Variants in CTNNA3 observed in about 807,000 individuals in gnomAD.
CTNNA3 encodes the protein catenin alpha 3.
A neutral mutation model predicts 95.7 loss-of-function variants in CTNNA3; 76 were observed. That is an observed-to-expected ratio of 0.79 (90% CI 0.66 to 0.96). The LOEUF is 0.96. Among genes scored for constraint, CTNNA3 ranks in the 40% least tolerant of loss-of-function variants. CTNNA3 has a pLI of 0.00. For synonymous variants in CTNNA3, 431 were observed against 374.4 expected (o/e 1.15, Z -1.74); for missense variants, 1,191 against 1,089.8 (o/e 1.09, Z -1.31).
intron 13 of CTNNA3, among the ~76,000 whole-genome samples, chr10:66,184,271 C>A (rs996735576): frequency 2.0e-5 from 3 of 152,070 alleles, no homozygotes; most frequent in Admixed American, 6.5e-5. Context: ...TGATCTCCAG[C>A]TTGGGTGGCA....
chr10:66,276,158 T>C (rs887203147), intron 13 of CTNNA3, among the ~76,000 whole-genome samples: 2 of 152,126 alleles, frequency 1.3e-5, no homozygotes, highest in Admixed American at 6.6e-5. Flanking sequence ...TTCCCTGATA[T>C]ATAGAGTTAG....
chr10:67,029,485 G>A (rs1175403749), intron 7 of CTNNA3, among the ~76,000 whole-genome samples: 1 of 152,056 alleles, frequency 6.6e-6, no homozygotes, highest in Non-Finnish European at 1.5e-5. Flanking sequence ...GATAACCGGT[G>A]GGTACTCATC....
At chr10:66,306,394 T>C (rs772825140) in intron 12 of CTNNA3, among the ~76,000 whole-genome samples, 3 of 152,224 alleles carry the variant, frequency 2.0e-5, no homozygotes, top group Non-Finnish European at 4.4e-5. Flanking sequence ...ATCTTAGTGT[T>C]ACTGCCAATA....
chr10:66,689,682 C>T lies in CTNNA3; in HGVS notation c.1282-67898G>A, dbSNP rs557448491. Reference sequence around the variant, plus strand: ...ATTAATAATATTGAATGTTGCCTCACTCCTTAATGAGGAGTCCAATAATCT... The same window carrying T: ...ATTAATAATATTGAATGTTGCCTCATTCCTTAATGAGGAGTCCAATAATCT... On this transcript the variant is annotated intron_variant, in intron 9 of 17. Transcript: ENST00000433211. Among the ~76,000 whole-genome samples, 12 of 152,260 alleles carry T rather than the reference C, an allele frequency of 7.9e-5. No homozygotes were observed. In the East Asian group the frequency reaches 9.7e-4, roughly 12 times the overall value.
At chr10:66,109,866 CAAA>C (rs201092050) in intron 13 of CTNNA3, among the ~76,000 whole-genome samples, 1 of 140,802 alleles carries the variant, frequency 7.1e-6, no homozygotes, top group African/African-American at 2.5e-5. Context: ...ACTTAAAGTA[CAAA>C]AAAAAAAAAC....
intron 5 of CTNNA3, among the ~76,000 whole-genome samples, chr10:67,512,612 G>A (rs187591013): frequency 4.6e-5 from 7 of 151,854 alleles, no homozygotes; most frequent in African/African-American, 9.7e-5. Flanking sequence ...GTGTATCCAC[G>A]ATAAAGTGGC....
intron 9 of CTNNA3, among the ~76,000 whole-genome samples, chr10:66,740,475 C>T (rs1471581425): frequency 6.6e-6 from 1 of 152,156 alleles, no homozygotes; most frequent in Non-Finnish European, 1.5e-5. Flanking sequence ...AATTATTTTT[C>T]TTTCATGCAT....
At chr10:66,064,620 C>T (rs1358215861) in intron 15 of CTNNA3, among the ~76,000 whole-genome samples, 2 of 152,076 alleles carry the variant, frequency 1.3e-5, no homozygotes, top group Non-Finnish European at 2.9e-5. Flanking sequence ...TCTCTGGTTC[C>T]CCTTTTAAAG....
At chr10:66,489,517 T>C (rs1839846286) in intron 11 of CTNNA3, among the ~76,000 whole-genome samples, 1 of 152,048 alleles carries the variant, frequency 6.6e-6, no homozygotes, top group Non-Finnish European at 1.5e-5. Context: ...TAGTCACTAT[T>C]TCTTCCTCTT....
intron 7 of CTNNA3, among the ~76,000 whole-genome samples, chr10:66,975,556 G>A (rs2132849351): frequency 6.6e-6 from 1 of 152,288 alleles, no homozygotes; most frequent in East Asian, 1.9e-4. Flanking sequence ...GAAGCGGTCT[G>A]TCTTTGACTT....
intron 17 of CTNNA3, among the ~76,000 whole-genome samples, chr10:65,921,330 T>C (rs191384303): frequency 3.3e-5 from 5 of 152,336 alleles, no homozygotes; most frequent in Non-Finnish European, 7.4e-5. Flanking sequence ...ACTAAATACC[T>C]ATAAATCCTT....
At chr10:67,179,910 T>C (rs1449197796) in intron 7 of CTNNA3, among the ~76,000 whole-genome samples, 1 of 152,168 alleles carries the variant, frequency 6.6e-6, no homozygotes, top group Non-Finnish European at 1.5e-5. Flanking sequence ...ATGATCCCTG[T>C]AATATCACTG....
At chr10:66,680,804 A>G (rs1031637376) in intron 9 of CTNNA3, among the ~76,000 whole-genome samples, 1 of 152,228 alleles carries the variant, frequency 6.6e-6, no homozygotes, top group Admixed American at 6.5e-5. Flanking sequence ...GAACAAAGCT[A>G]CCAAGGTAAG....
At chr10:67,498,603 A>G (rs1839114490) in intron 5 of CTNNA3, among the ~76,000 whole-genome samples, 1 of 152,088 alleles carries the variant, frequency 6.6e-6, no homozygotes, top group Non-Finnish European at 1.5e-5. Flanking sequence ...GTCCTCTCTT[A>G]TTTCCTTGAG....
At chr10:66,451,285 T>C (rs1423937729) in intron 11 of CTNNA3, among the ~76,000 whole-genome samples, 1 of 152,194 alleles carries the variant, frequency 6.6e-6, no homozygotes, top group African/African-American at 2.4e-5. Context: ...ACACTTTTTA[T>C]GCTTGACACG....
chr10:67,529,865 CA>C (rs1461630545), intron 4 of CTNNA3, among the ~76,000 whole-genome samples: 1 of 151,940 alleles, frequency 6.6e-6, no homozygotes, highest in Admixed American at 6.6e-5. Flanking sequence ...CCACAATTCC[CA>C]AGTGTCATGG....
intron 7 of CTNNA3, among the ~76,000 whole-genome samples, chr10:67,101,452 A>AC (rs1325709003): frequency 4.1e-5 from 4 of 96,760 alleles, no homozygotes; most frequent in African/African-American, 2.8e-4. Flanking sequence ...AATTTTCTCC[A>AC]TTTTCTTATA....
chr10:67,050,453 A>C (rs189642127), intron 7 of CTNNA3, among the ~76,000 whole-genome samples: 12 of 152,336 alleles, frequency 7.9e-5, no homozygotes, highest in Non-Finnish European at 1.5e-4. Context: ...AAAAGAAAAA[A>C]AAAGTACCCA....
chr10:67,756,827 A>G (rs1385909741), intron 1 of CTNNA3, among the ~76,000 whole-genome samples: 1 of 152,218 alleles, frequency 6.6e-6, no homozygotes, highest in East Asian at 1.9e-4. Flanking sequence ...AATGGTTAAA[A>G]TGGTGAATTT....
Sources: allele counts gnomAD v4.1 joint callset (sites outside exome capture counted in the v4.1 genomes callset), GRCh38; gene constraint gnomAD v4.1.1; transcripts MANE v1.5; gene names NCBI Gene and HGNC (gene_info 2026-07-23, HGNC 2026-07-21).